Variants in SLC1A1 observed in about 807,000 individuals in gnomAD.
SLC1A1 encodes solute carrier family 1 member 1, also known as excitatory amino acid transporter 3.
Under a neutral mutation model 53.3 loss-of-function variants are expected in SLC1A1, and 43 were observed. That is an observed-to-expected ratio of 0.81 (90% CI 0.63 to 1.04). The LOEUF (loss-of-function observed/expected upper bound fraction) is 1.04, where lower values mean the gene tolerates loss of function less well. SLC1A1 is among the 50% of genes least tolerant of loss of function. The pLI, the probability that SLC1A1 is intolerant of heterozygous loss-of-function variation, is 0.00. For missense variants in SLC1A1, 748 were observed against 664.9 expected, an observed-to-expected ratio of 1.12 and a Z score of -1.37; for synonymous variants, 307 against 243.2, an observed-to-expected ratio of 1.26 and a Z score of -2.44.
At chr9:4,527,550 A>C (rs1816308208) in intron 1 of SLC1A1, among the ~76,000 whole-genome samples, 1 of 152,160 alleles carries the variant, frequency 6.6e-6, no homozygotes, top group Non-Finnish European at 1.5e-5. Context: ...GGTATACTAC[A>C]TTTGCCATTC....
intron 10 of SLC1A1, 51 bp from the exon 11 acceptor site, chr9:4,582,987 T>G (rs765078227): frequency 6.2e-7 from 1 of 1,612,734 alleles, no homozygotes; most frequent in Admixed American, 1.7e-5. Context: ...GCCAGGGCTT[T>G]AACGGGAGAG....
rs185775291 is a variant in SLC1A1 at position 4,491,710 on chromosome 9, G to A, written c.91+940G>A. 2.6e-5 allele frequency among the ~76,000 whole-genome samples: 4 copies of A among 152,314 alleles called. No individual in the cohort carries two copies. In the South Asian group the frequency reaches 6.2e-4, roughly 24 times the overall value. On this transcript the variant is annotated intron_variant, in intron 1 of 11. Coordinates refer to ENST00000262352, the MANE Select transcript of SLC1A1 (RefSeq NM_004170.6). ...GCGCCATATCTGTCGCCTTCCCAGT[G>A]ATAGCTCCTCAGCAGGTGAGGGCTG...
At chr9:4,542,083 G>A (rs372756601) in intron 1 of SLC1A1, among the ~76,000 whole-genome samples, 11 of 149,768 alleles carry the variant, frequency 7.3e-5, no homozygotes, top group Middle Eastern at 6.8e-3. Flanking sequence ...TTGTATTTGA[G>A]GGTCTCAGTG....
Position 4,585,943 on chromosome 9 carries a change from T to C in SLC1A1, c.*385T>C. Reference sequence around the variant, plus strand: ...AAATATTCTGTCATTGGTTACAAATTTTTACTCAGGCTTTCTATTGGCATG... The same window carrying C: ...AAATATTCTGTCATTGGTTACAAATCTTTACTCAGGCTTTCTATTGGCATG... On this transcript the variant is annotated 3_prime_UTR_variant, in exon 12 of 12. Transcript: ENST00000262352. The C allele has an allele frequency of 1.9e-4, 36 of 189,560 alleles. No individual in the cohort carries two copies. The highest frequency in any genetic ancestry group is 8.2e-4 in the South Asian group (8 of 9,786). 11.7% of individuals were successfully genotyped at this position (189,560 alleles called of 1,614,324 possible).
chr9:4,543,275 A>G (rs928682081), intron 1 of SLC1A1, among the ~76,000 whole-genome samples: 4 of 152,196 alleles, frequency 2.6e-5, no homozygotes, highest in African/African-American at 9.6e-5. Context: ...TCCTCCTTGA[A>G]TCTTTCTGCC....
chr9:4,567,409 C>T (rs746557677), intron 5 of SLC1A1, among the ~76,000 whole-genome samples: 1 of 152,134 alleles, frequency 6.6e-6, no homozygotes, highest in South Asian at 2.1e-4. Context: ...ATCAACTTGT[C>T]GTTTATTGTG....
intron 1 of SLC1A1, among the ~76,000 whole-genome samples, chr9:4,510,369 G>A (rs987231995): frequency 2.0e-5 from 3 of 152,198 alleles, no homozygotes; most frequent in African/African-American, 7.2e-5. Context: ...TAGAATACCA[G>A]TGGCAGCTTC....
intron 1 of SLC1A1, among the ~76,000 whole-genome samples, chr9:4,509,306 A>G (rs780766183): frequency 6.6e-6 from 1 of 152,186 alleles, no homozygotes; most frequent in Non-Finnish European, 1.5e-5. Flanking sequence ...CAGGAAGCAG[A>G]CTCAAAAGAG....
At chr9:4,581,005 C>A (rs1161842583) in intron 10 of SLC1A1, among the ~76,000 whole-genome samples, 1 of 152,198 alleles carries the variant, frequency 6.6e-6, no homozygotes, top group Admixed American at 6.5e-5. Flanking sequence ...ATCTACTATA[C>A]AAGTGCTATC....
At chr9:4,509,303 C>G (rs1354595576) in intron 1 of SLC1A1, among the ~76,000 whole-genome samples, 7 of 152,108 alleles carry the variant, frequency 4.6e-5, no homozygotes, top group Non-Finnish European at 1.0e-4. Context: ...TGGCAGGAAG[C>G]AGACTCAAAA....
intron 10 of SLC1A1, among the ~76,000 whole-genome samples, chr9:4,580,255 G>C (rs1820930904): frequency 6.6e-6 from 1 of 151,126 alleles, no homozygotes; most frequent in Non-Finnish European, 1.5e-5. Context: ...AAGAAAGAAA[G>C]AGAGAAAAGA....
At chr9:4,547,377 G>C (rs1460820709) in intron 2 of SLC1A1, among the ~76,000 whole-genome samples, 2 of 152,300 alleles carry the variant, frequency 1.3e-5, no homozygotes, top group African/African-American at 2.4e-5. Context: ...TCAAGAACTA[G>C]AGGCAGCGAG....
intron 1 of SLC1A1, among the ~76,000 whole-genome samples, chr9:4,513,456 T>G (rs1821061248): frequency 6.6e-6 from 1 of 152,160 alleles, no homozygotes; most frequent in Non-Finnish European, 1.5e-5. Context: ...TGAAAAAATA[T>G]TCAGCATCGT....
rs1261428236 is a variant in SLC1A1, at chr9:4,572,335, T to C, written c.714T>C (p.Asp238=). ...KMGEKGQILV[D]FFNALSDATM... ...GAGAAAAGGGACAAATTCTGGTGGA[T>C]TTCTTCAATGCTTTGAGTGATGCAA... Residue 238 remains aspartate, a synonymous_variant, in exon 7 of 12, where the codon GAT becomes GAC. Transcript: ENST00000262352. 6.2e-7 allele frequency: 1 copy of C among 1,614,192 alleles called. No individual in the cohort carries two copies. The highest frequency in any genetic ancestry group is 8.5e-7 in the Non-Finnish European group (1 of 1,180,012).
chr9:4,545,760 C>G lies in SLC1A1; in HGVS notation c.232+1053C>G, dbSNP rs576989080. ...TGGAAATGACTTTTCCCTTATTGAT[C>G]ATTACATTGCAGGGCTCCTTTGAAG... is the stretch of plus-strand genomic sequence containing the variant. On this transcript the variant is annotated intron_variant, in intron 2 of 11. Coordinates refer to ENST00000262352, the MANE Select transcript of SLC1A1 (RefSeq NM_004170.6). 3.9e-5 allele frequency among the ~76,000 whole-genome samples: 6 copies of G among 152,288 alleles called. No individual in the cohort carries two copies. The South Asian group carries it at 1.2e-3, about 32-fold the overall frequency.
chr9:4,535,614 G>C (rs1816646047), intron 1 of SLC1A1, among the ~76,000 whole-genome samples: 1 of 152,126 alleles, frequency 6.6e-6, no homozygotes, highest in African/African-American at 2.4e-5. Flanking sequence ...AATCAATATT[G>C]TGAAAACGGC....
chr9:4,533,988 A>G (rs944479529), intron 1 of SLC1A1, among the ~76,000 whole-genome samples: 11 of 152,320 alleles, frequency 7.2e-5, no homozygotes, highest in Non-Finnish European at 1.3e-4. Context: ...GAAGGCAGAA[A>G]TAAAGATGTT....
At chr9:4,516,512 G>A (rs1415095774) in intron 1 of SLC1A1, among the ~76,000 whole-genome samples, 1 of 152,096 alleles carries the variant, frequency 6.6e-6, no homozygotes, top group African/African-American at 2.4e-5. Context: ...CCCAAACTAT[G>A]GATCTGGGAT....
intron 1 of SLC1A1, among the ~76,000 whole-genome samples, chr9:4,494,151 C>G (rs1041299734): frequency 1.6e-4 from 24 of 152,280 alleles, no homozygotes; most frequent in African/African-American, 5.5e-4. Context: ...GGCTTATTCT[C>G]TGCTTCCATA....
Sources: gnomAD v4.1 joint callset for allele counts (sites outside exome capture counted in the v4.1 genomes callset) on GRCh38, gnomAD v4.1.1 for gene constraint, MANE v1.5 for transcripts, NCBI Gene and HGNC (gene_info 2026-07-23, HGNC 2026-07-21) for gene names.